The following MTF2 variants were observed in gnomAD, a reference collection of about 807,000 sequenced individuals.
The protein encoded by MTF2 is metal response element binding transcription factor 2, also known as metal-response element-binding transcription factor 2.
Under a neutral mutation model 79.5 loss-of-function variants are expected in MTF2, and 11 were observed. That is an observed-to-expected ratio of 0.14 (90% confidence interval 0.09 to 0.23). The LOEUF (loss-of-function observed/expected upper bound fraction) is 0.23, where lower values mean the gene tolerates loss of function less well. Among genes scored for constraint, MTF2 ranks in the 10% least tolerant of loss-of-function variants. MTF2 has a pLI of 1.00. For synonymous variants in MTF2, 208 were observed against 232.8 expected, an observed-to-expected ratio of 0.89 and a Z score of 0.97; for missense variants, 486 against 711.2, an observed-to-expected ratio of 0.68 and a Z score of 3.60.
rs574509404 is a variant in MTF2, at chr1:93,127,307, G to T, written c.989+8G>T. ...AAATGATTACAAGACCATGTAAGTT[G>T]ATTTATTTTATGTATCCCTATGAGG... On this transcript the variant is annotated splice_region_variant and intron_variant, in intron 10 of 14. Coordinates refer to ENST00000370298, the MANE Select transcript of MTF2 (RefSeq NM_007358.4). The T allele has an allele frequency of 1.3e-6, 2 of 1,578,890 alleles. No homozygotes were observed. The highest frequency in any genetic ancestry group is 2.2e-5 in the South Asian group (2 of 90,284).
chr1:93,084,260 G>A (rs77357180), intron 1 of MTF2, among the ~76,000 whole-genome samples: 214 of 152,130 alleles, frequency 1.4e-3, no homozygotes, highest in African/African-American at 5.0e-3. Context: ...TTTCCTCATT[G>A]ACTTGTGTTT....
chr1:93,136,708 C>T lies in MTF2; in HGVS notation c.1463C>T (p.Ser488Phe). ...DSRKRTRTGR[S>F]WPAAIPHLRR... ...AGAAAAAGAACGCGTACAGGAAGAT[C>T]TTGGCCTGCTGCAATACCACATTTG... The change falls in exon 15 of 15, where the codon TCT becomes TTT. Residue 488 changes from serine (S) to phenylalanine (F), a missense_variant. Ser to Phe is a radical substitution (Grantham distance 155, BLOSUM62 -2). Around this residue, in one of 4 missense-constraint regions of MTF2, gnomAD observed 209 missense variants for 206.5 expected, o/e 1.01. Transcript: ENST00000370298. The T allele has an allele frequency of 6.2e-7, 1 of 1,614,110 alleles. No homozygotes were observed. Among genetic ancestry groups the T allele is most frequent in the Non-Finnish European group, 8.5e-7 (1 of 1,180,012 alleles).
intron 1 of MTF2, among the ~76,000 whole-genome samples, chr1:93,091,351 T>C (rs971439567): frequency 1.1e-4 from 16 of 151,484 alleles, no homozygotes; most frequent in Admixed American, 1.1e-3. Context: ...TTTTAAATTT[T>C]GTATTTAAAA....
At chr1:93,125,788 A>G (rs1214938377) in intron 9 of MTF2, among the ~76,000 whole-genome samples, 1 of 152,034 alleles carries the variant, frequency 6.6e-6, no homozygotes, top group Non-Finnish European at 1.5e-5. Flanking sequence ...AAACATTTTA[A>G]CCTAATCTTA....
intron 9 of MTF2, among the ~76,000 whole-genome samples, chr1:93,126,869 T>G (rs1417973271): frequency 6.6e-6 from 1 of 152,122 alleles, no homozygotes; most frequent in Non-Finnish European, 1.5e-5. Flanking sequence ...TTAAAATAAT[T>G]CTAATGTATT....
chr1:93,120,301 G>GAAA (rs11414632), intron 8 of MTF2: 204 of 107,700 alleles, frequency 1.9e-3, no homozygotes, highest in South Asian at 7.6e-3. Flanking sequence ...CTGTCTCCAA[G>GAAA]AAAAAAAAAA....
At chr1:93,097,690 C>T (rs538067302) in intron 1 of MTF2, among the ~76,000 whole-genome samples, 2 of 152,184 alleles carry the variant, frequency 1.3e-5, no homozygotes, top group East Asian at 1.9e-4. Context: ...CTCCACCTCC[C>T]GGGTTCGAGC....
At chr1:93,098,483 C>T (rs1206588996) in intron 1 of MTF2, among the ~76,000 whole-genome samples, 1 of 152,166 alleles carries the variant, frequency 6.6e-6, no homozygotes, top group African/African-American at 2.4e-5. Flanking sequence ...ATATAGCAGG[C>T]ATTGTATATT....
At position 93,115,529 on chromosome 1, in the gene MTF2, A is replaced by G. The variant is rs1656216661; in HGVS notation, c.543A>G (p.Thr181=). ...AAGCATTGCAAGTCATGAAGCAGAC[A>G]TTACCCTATAGTGTGGCAGACCTTG... The part of the protein sequence containing the change: ...NAKALQVMKQ[T]LPYSVADLEW... The change falls in exon 6 of 15, where the codon ACA becomes ACG. Residue 181 remains threonine (T), a synonymous_variant. Transcript: ENST00000370298. The G allele has an allele frequency of 6.2e-7, 1 of 1,611,902 alleles. No homozygotes were observed. The highest frequency in any genetic ancestry group is 8.5e-7 in the Non-Finnish European group (1 of 1,179,066).
At chr1:93,109,327 C>CT (rs1172003156) in intron 1 of MTF2, among the ~76,000 whole-genome samples, 66 of 150,280 alleles carry the variant, frequency 4.4e-4, no homozygotes, top group Non-Finnish European at 5.3e-4. Context: ...GTGTACTTTC[C>CT]TTTTTTTTTG....
intron 10 of MTF2, chr1:93,128,682 A>T (rs1393170606): frequency 2.0e-5 from 3 of 151,750 alleles, no homozygotes; most frequent in African/African-American, 7.3e-5. Flanking sequence ...AGGACCATAG[A>T]GACTAAAAGA....
chr1:93,100,780 A>T (rs776927561), intron 1 of MTF2, among the ~76,000 whole-genome samples: 1 of 152,206 alleles, frequency 6.6e-6, no homozygotes, highest in Non-Finnish European at 1.5e-5. Context: ...GTCTCAAGAG[A>T]TAAAAGAGAA....
chr1:93,086,886 G>C (rs1654861708), intron 1 of MTF2, among the ~76,000 whole-genome samples: 1 of 152,116 alleles, frequency 6.6e-6, no homozygotes, highest in Non-Finnish European at 1.5e-5. Context: ...TGAAATGCTT[G>C]GGACCAGAAG....
At chr1:93,084,731 C>T (rs879330429) in intron 1 of MTF2, among the ~76,000 whole-genome samples, 31 of 152,052 alleles carry the variant, frequency 2.0e-4, no homozygotes, top group Admixed American at 2.0e-3. Context: ...GAGCCAGGCA[C>T]GGTGGTCCCA....
intron 9 of MTF2, among the ~76,000 whole-genome samples, chr1:93,126,725 C>T (rs188075055): frequency 3.1e-4 from 47 of 152,048 alleles, no homozygotes; most frequent in Non-Finnish European, 5.6e-4. Context: ...AAAGATCTCT[C>T]AATTTTACAG....
In MTF2 at chr1:93,125,458, G is replaced by A. The variant is rs116967102; in HGVS notation, c.922-1774G>A. Among the ~76,000 whole-genome samples, 75 of 152,124 alleles carry A rather than the reference G, an allele frequency of 4.9e-4. 2 individuals carry two copies. The East Asian group carries it at 0.013, about 25-fold the overall frequency. ...TAATGGAAAAACAGTAACAAAGTCGGTGCTTTGGAAACATTCTTGAGGGAG... is the reference window on the plus strand; with the variant it reads ...TAATGGAAAAACAGTAACAAAGTCGATGCTTTGGAAACATTCTTGAGGGAG... On this transcript the variant is annotated intron_variant, in intron 9 of 14. Transcript: ENST00000370298.
At chr1:93,089,440 A>ATT (rs1654979742) in intron 1 of MTF2, among the ~76,000 whole-genome samples, 1 of 152,152 alleles carries the variant, frequency 6.6e-6, no homozygotes, top group African/African-American at 2.4e-5. Context: ...AAAGTTTTAG[A>ATT]GTTCCAGTGA....
chr1:93,108,606 ATTTTTTT>A (rs35393630), intron 1 of MTF2, among the ~76,000 whole-genome samples: 2 of 103,498 alleles, frequency 1.9e-5, no homozygotes, highest in African/African-American at 3.6e-5. Context: ...TGCTTTCAAG[ATTTTTTT>A]TTTTTTTTTT....
At chr1:93,098,578 G>A (rs1046861369) in intron 1 of MTF2, among the ~76,000 whole-genome samples, 1 of 152,050 alleles carries the variant, frequency 6.6e-6, no homozygotes. Context: ...AAAATGATTG[G>A]GGTATGGATG....
Sources: allele counts gnomAD v4.1 joint callset (sites outside exome capture counted in the v4.1 genomes callset), GRCh38; gene constraint gnomAD v4.1.1; regional missense constraint gnomAD v4.1.1; transcripts MANE v1.5; gene names NCBI Gene and HGNC (gene_info 2026-07-23, HGNC 2026-07-21).